KHDC4: variants seen among roughly 807,000 people sequenced by gnomAD.
KHDC4 encodes the protein KH homology domain-containing protein 4.
Under a neutral mutation model 74.5 loss-of-function variants are expected in KHDC4, and 19 were observed. The observed-to-expected ratio is 0.26, with a 90% CI of 0.18 to 0.37. The LOEUF is 0.37. Among genes scored for constraint, KHDC4 ranks in the 10% least tolerant of loss-of-function variants. The pLI is 1.00. For missense variants in KHDC4, 632 were observed against 754.1 expected, an observed-to-expected ratio of 0.84 and a Z score of 1.90; for synonymous variants, 253 against 266.1, an observed-to-expected ratio of 0.95 and a Z score of 0.48.
chr1:155,931,609 G>A (rs1674143983), intron 2 of KHDC4, among the ~76,000 whole-genome samples: 1 of 152,182 alleles, frequency 6.6e-6, no homozygotes, highest in African/African-American at 2.4e-5. Flanking sequence ...ATTTTCTGTA[G>A]AGACAGGGTT....
intron 6 of KHDC4, 170 bp downstream of exon 6, chr1:155,926,506 C>T (rs576128457): frequency 1.6e-4 from 107 of 651,456 alleles, no homozygotes; most frequent in Non-Finnish European, 2.7e-4. Context: ...ATGTTCGTGA[C>T]GGGGTTTCAC....
At chr1:155,927,039 G>T in intron 5 of KHDC4, 65 bp downstream of exon 5, 1 of 1,487,120 alleles carries the variant, frequency 6.7e-7, no homozygotes, top group African/African-American at 1.4e-5. Context: ...TTGCCAACTT[G>T]CTATACAGAG....
chr1:155,925,883 A>T (rs759503456), intron 6 of KHDC4, 40 bp from the exon 7 acceptor site: 3 of 1,423,130 alleles, frequency 2.1e-6, no homozygotes, highest in Non-Finnish European at 3.0e-6. Context: ...AACAGAATAT[A>T]TAATTAAATC....
At position 155,913,327 on chromosome 1, in the gene KHDC4, ATC is replaced by A. The variant is rs1184926221; in HGVS notation, c.*792_*793del. On this transcript the variant is annotated 3_prime_UTR_variant, in exon 14 of 14. Transcript: ENST00000368321. ...CCAAAATCCTATAGCCAGCAGTCAGATCTCTCTGTTTTAGCTGCAACCAGTTC... is the reference window on the plus strand; with the variant it reads ...CCAAAATCCTATAGCCAGCAGTCAGATCTCTGTTTTAGCTGCAACCAGTTC... The A allele has an allele frequency of 3.3e-5, 5 of 152,530 alleles. No homozygotes were observed. Among genetic ancestry groups the A allele is most frequent in the African/African-American group, 1.2e-4 (5 of 41,462 alleles). 9.4% of individuals were successfully genotyped at this position (152,530 alleles called of 1,614,324 possible).
At chr1:155,917,207 A>C (rs1210425917) in intron 11 of KHDC4, among the ~76,000 whole-genome samples, 3 of 152,246 alleles carry the variant, frequency 2.0e-5, no homozygotes, top group Admixed American at 6.5e-5. Context: ...CTGGAGGGAG[A>C]TATCACTCTC....
intron 6 of KHDC4, chr1:155,926,325 CTTT>C (rs34342755): frequency 3.5e-3 from 616 of 174,746 alleles, no homozygotes; most frequent in Middle Eastern, 7.7e-3. Flanking sequence ...TTACTTGGCA[CTTT>C]TTTTTTTTTT....
intron 13 of KHDC4, 110 bp from the exon 14 acceptor site, chr1:155,914,430 C>T: frequency 1.1e-6 from 1 of 906,852 alleles, no homozygotes; most frequent in Non-Finnish European, 1.7e-6. Context: ...GTTAGTTGGA[C>T]ACCATTTTGA....
At chr1:155,920,168 G>A (rs550441943) in intron 10 of KHDC4, 6 of 269,812 alleles carry the variant, frequency 2.2e-5, no homozygotes, top group South Asian at 3.2e-5. Flanking sequence ...GGCCAGGTGC[G>A]GTGGCTCACA....
chr1:155,919,159 G>T (rs200425265), intron 10 of KHDC4, among the ~76,000 whole-genome samples: 4 of 151,530 alleles, frequency 2.6e-5, no homozygotes, highest in Non-Finnish European at 5.9e-5. Context: ...GCAGAGACAG[G>T]GTTTCACCAT....
chr1:155,917,584 G>GGGGGCTGGGGCTGGGGCTGGGGCT lies in KHDC4; in HGVS notation c.1331_1354dup (p.Gln444_Pro451dup). On this transcript the variant is annotated inframe_insertion, in exon 11 of 14. Transcript: ENST00000368321. ...CTGTGCCTGGGGCTGACTTGGGAGTGGGGGCTGGGGCTGGGGCTGGGGCTG... is the reference window on the plus strand; with the variant it reads ...CTGTGCCTGGGGCTGACTTGGGAGTGGGGGCTGGGGCTGGGGCTGGGGCTGGGGCTGGGGCTGGGGCTGGGGCTG... 1 of 1,604,794 alleles carries GGGGGCTGGGGCTGGGGCTGGGGCT rather than the reference G, an allele frequency of 6.2e-7. No homozygotes were observed. The highest frequency in any genetic ancestry group is 8.5e-7 in the Non-Finnish European group (1 of 1,174,540).
chr1:155,921,733 G>A, intron 9 of KHDC4, 105 bp from the exon 10 acceptor site: 1 of 1,468,880 alleles, frequency 6.8e-7, no homozygotes, highest in Non-Finnish European at 9.3e-7. Context: ...AGGCATGAAT[G>A]GCTTTCCAAA....
At chr1:155,914,534 A>G in intron 13 of KHDC4, 1 of 452,674 alleles carries the variant, frequency 2.2e-6, no homozygotes, top group Non-Finnish European at 3.9e-6. Flanking sequence ...ACCATGTAAG[A>G]AAACAGAGAA....
At chr1:155,931,267 G>A (rs1270722345) in intron 2 of KHDC4, among the ~76,000 whole-genome samples, 1 of 133,162 alleles carries the variant, frequency 7.5e-6, no homozygotes, top group Non-Finnish European at 1.6e-5. Context: ...TCCAGCCTGG[G>A]CAACAAAGCA....
In KHDC4 at chr1:155,925,619, TATCC is replaced by T. The variant is rs773126856; in HGVS notation, c.893+9_893+12del. 6.2e-7 allele frequency: 1 copy of T among 1,607,254 alleles called. No homozygotes were observed. The highest frequency in any genetic ancestry group is 1.1e-5 in the South Asian group (1 of 90,978). ...ACAAGAATTCACATGTCCCCTGCCC[TATCC>T]ATCCATACCTGATGTAAATATACAT... is the stretch of plus-strand genomic sequence containing the variant. On this transcript the variant is annotated intron_variant, in intron 7 of 13. Transcript: ENST00000368321.
chr1:155,916,764 T>G, intron 11 of KHDC4, 27 bp from the exon 12 acceptor site: 1 of 1,462,424 alleles, frequency 6.8e-7, no homozygotes, highest in Non-Finnish European at 9.5e-7. Context: ...ACAGTGGCAT[T>G]AGCAAATCTA....
At chr1:155,922,240 G>A (rs1043162595) in intron 8 of KHDC4, among the ~76,000 whole-genome samples, 3 of 149,000 alleles carry the variant, frequency 2.0e-5, no homozygotes, top group African/African-American at 5.0e-5. Context: ...CCACCTTCAC[G>A]GTTTAAGCGA....
chr1:155,925,252 C>T (rs1473309261), intron 7 of KHDC4, among the ~76,000 whole-genome samples: 1 of 151,706 alleles, frequency 6.6e-6, no homozygotes, highest in South Asian at 2.1e-4. Context: ...AGGATGGTCT[C>T]GATCTCCTGA....
chr1:155,915,836 A>G (rs1214762615), intron 13 of KHDC4, 37 bp downstream of exon 13: 1 of 1,348,490 alleles, frequency 7.4e-7, no homozygotes, highest in Non-Finnish European at 1.0e-6. Flanking sequence ...GACCAGTCTT[A>G]GCCACTCCCC....
At chr1:155,923,275 C>T (rs1673908284) in intron 8 of KHDC4, among the ~76,000 whole-genome samples, 1 of 152,134 alleles carries the variant, frequency 6.6e-6, no homozygotes, top group African/African-American at 2.4e-5. Context: ...CAATCATCCC[C>T]CAAACATGTC....
Sources: allele counts gnomAD v4.1 joint callset (sites outside exome capture counted in the v4.1 genomes callset), GRCh38; gene constraint gnomAD v4.1.1; transcripts MANE v1.5; gene names NCBI Gene and HGNC (gene_info 2026-07-23, HGNC 2026-07-21).